Variants in RGS7 observed in about 807,000 individuals in gnomAD.
RGS7 encodes the protein regulator of G protein signaling 7, also known as regulator of G-protein signaling 7.
Under a neutral mutation model 81.1 loss-of-function variants are expected in RGS7, and 27 were observed. The observed-to-expected ratio is 0.33, with a 90% CI of 0.25 to 0.46. The LOEUF is 0.46. Ranked by LOEUF, RGS7 falls within the 20% of genes least tolerant of loss-of-function variation. RGS7 has a pLI of 1.00. For missense variants in RGS7, 396 were observed against 607.4 expected, an observed-to-expected ratio of 0.65 and a Z score of 3.66; for synonymous variants, 208 against 207.7, an observed-to-expected ratio of 1.00 and a Z score of -0.01.
chr1:241,120,375 T>A lies in RGS7; in HGVS notation c.79-21613A>T, dbSNP rs543193386. On this transcript the variant is annotated intron_variant, in intron 2 of 18. Transcript: ENST00000440928. ...TTTTTGTTTTGTTTTAGAGACAGGGTCTTGCTCTGTTGCCCAGGCTGGAGT... is the reference window on the plus strand; with the variant it reads ...TTTTTGTTTTGTTTTAGAGACAGGGACTTGCTCTGTTGCCCAGGCTGGAGT... 2.6e-5 allele frequency among the ~76,000 whole-genome samples: 4 copies of A among 152,328 alleles called. No homozygotes were observed. The East Asian group carries it at 7.7e-4, about 29-fold the overall frequency.
intron 3 of RGS7, among the ~76,000 whole-genome samples, chr1:241,065,650 C>T (rs1250148220): frequency 6.6e-6 from 1 of 152,104 alleles, no homozygotes; most frequent in Non-Finnish European, 1.5e-5. Context: ...AGTGTTTCTC[C>T]TCTCTATATT....
chr1:240,941,737 C>G (rs549454336), intron 4 of RGS7, among the ~76,000 whole-genome samples: 1 of 151,586 alleles, frequency 6.6e-6, no homozygotes, highest in African/African-American at 2.4e-5. Context: ...GCCACAGTTC[C>G]CTGTGGTCCC....
At chr1:240,920,270 T>C (rs1673289135) in intron 6 of RGS7, 14 of 1,289,424 alleles carry the variant, frequency 1.1e-5, no homozygotes, top group African/African-American at 1.5e-5. Flanking sequence ...GTGATCGTGG[T>C]GGTGGTTTTG....
chr1:240,985,995 G>A lies in RGS7; in HGVS notation c.176-2866C>T, dbSNP rs527954606. Among the ~76,000 whole-genome samples the A allele has an allele frequency of 9.5e-5, 13 of 136,668 alleles. No individual in the cohort carries two copies. In the East Asian group the frequency reaches 1.8e-3, roughly 19 times the overall value. 89.7% of individuals were successfully genotyped at this position (136,668 alleles called of 152,430 possible). On this transcript the variant is annotated intron_variant, in intron 3 of 18. Coordinates refer to ENST00000440928, the MANE Select transcript of RGS7 (RefSeq NM_001364886.1). ...TAAATAAATAAATAAATAAATAAAT[G>A]GCTGGGTCTGCTGAAGTTTTTCACA...
At chr1:241,179,078 T>C (rs372319869) in intron 2 of RGS7, among the ~76,000 whole-genome samples, 54 of 152,264 alleles carry the variant, frequency 3.5e-4, no homozygotes, top group African/African-American at 1.2e-3. Context: ...AATCAAACAA[T>C]AGTTTAATGT....
intron 2 of RGS7, among the ~76,000 whole-genome samples, chr1:241,189,084 C>T (rs2072381515): frequency 6.6e-6 from 1 of 152,136 alleles, no homozygotes; most frequent in South Asian, 2.1e-4. Flanking sequence ...AAGCGATCCT[C>T]CCACCTCAGC....
At chr1:241,130,252 G>A (rs1240646691) in intron 2 of RGS7, among the ~76,000 whole-genome samples, 1 of 151,762 alleles carries the variant, frequency 6.6e-6, no homozygotes, top group South Asian at 2.1e-4. Flanking sequence ...TAGATAAAAA[G>A]CCCAAAAATA....
At chr1:241,224,470 G>A (rs888629495) in intron 2 of RGS7, among the ~76,000 whole-genome samples, 7 of 151,790 alleles carry the variant, frequency 4.6e-5, no homozygotes, top group Non-Finnish European at 7.4e-5. Context: ...TGTATATGTG[G>A]TACATTTTCT....
At chr1:241,290,438 G>A (rs61832569) in intron 2 of RGS7, among the ~76,000 whole-genome samples, 18,350 of 152,186 alleles carry the variant, frequency 0.12, 1,235 homozygotes, top group Middle Eastern at 0.17. Flanking sequence ...TATGTGATCC[G>A]TTTATCTCTC....
At chr1:240,951,706 A>T (rs1365875424) in intron 4 of RGS7, among the ~76,000 whole-genome samples, 1 of 152,206 alleles carries the variant, frequency 6.6e-6, no homozygotes, top group East Asian at 1.9e-4. Context: ...TACCAGGAGG[A>T]GAGCAAAGAC....
intron 2 of RGS7, among the ~76,000 whole-genome samples, chr1:241,228,104 T>C (rs989376494): frequency 1.2e-4 from 18 of 152,206 alleles, no homozygotes; most frequent in Non-Finnish European, 1.5e-4. Context: ...ACACTGGCTC[T>C]GGGGAAGCCA....
intron 2 of RGS7, among the ~76,000 whole-genome samples, chr1:241,270,247 T>C (rs113781499): frequency 6.6e-6 from 1 of 152,244 alleles, no homozygotes; most frequent in South Asian, 2.1e-4. Flanking sequence ...CCAATTCCTA[T>C]TGAACTTCAG....
chr1:240,984,584 T>C (rs1054137194), intron 3 of RGS7, among the ~76,000 whole-genome samples: 3 of 152,238 alleles, frequency 2.0e-5, no homozygotes, highest in Admixed American at 2.0e-4. Flanking sequence ...GTTTTCTGCA[T>C]AACTCTTTTC....
At chr1:240,883,407 G>A (rs906311692) in intron 6 of RGS7, among the ~76,000 whole-genome samples, 11 of 152,220 alleles carry the variant, frequency 7.2e-5, no homozygotes, top group Admixed American at 2.6e-4. Context: ...CTTTTCTCAC[G>A]TTCATGCGTT....
intron 2 of RGS7, among the ~76,000 whole-genome samples, chr1:241,299,730 T>G (rs2148492413): frequency 6.6e-6 from 1 of 151,882 alleles, no homozygotes; most frequent in South Asian, 2.1e-4. Flanking sequence ...CGATTACATA[T>G]GAGCACGATG....
At position 241,098,754 on chromosome 1, in the gene RGS7, G is replaced by A. The variant is rs563733368; in HGVS notation, c.87C>T (p.Asp29=). 7.4e-5 allele frequency: 119 copies of A among 1,607,392 alleles called. No homozygotes were observed. Among genetic ancestry groups the A allele is most frequent in the South Asian group, 5.6e-4 (51 of 90,950 alleles). Residue 29 remains aspartate, a synonymous_variant, in exon 3 of 19, where the codon GAC becomes GAT. Coordinates refer to ENST00000440928, the MANE Select transcript of RGS7 (RefSeq NM_001364886.1). The stretch of plus-strand genomic sequence containing the variant: ...TTTCATCTTGCATCCGTGCTATGAC[G>A]TCTTCCATCTAAACAATAATAACAT... The part of the protein sequence containing the change: ...PNMLVYRKME[D]VIARMQDEKN...
chr1:241,006,897 T>C (rs2058709431), intron 3 of RGS7, among the ~76,000 whole-genome samples: 1 of 152,054 alleles, frequency 6.6e-6, no homozygotes, highest in Admixed American at 6.6e-5. Context: ...GCATAGGAAA[T>C]GCACTTTCTC....
chr1:241,050,411 G>T (rs1026761380), intron 3 of RGS7, among the ~76,000 whole-genome samples: 1 of 152,122 alleles, frequency 6.6e-6, no homozygotes, highest in Non-Finnish European at 1.5e-5. Flanking sequence ...ACTGGAGGCT[G>T]GCTCTCCCAG....
chr1:240,787,441 G>A (rs752943471), intron 18 of RGS7, among the ~76,000 whole-genome samples: 2 of 152,308 alleles, frequency 1.3e-5, no homozygotes, highest in African/African-American at 2.4e-5. Flanking sequence ...CGTAAGGCAC[G>A]CAGCAGGATT....
Sources: allele counts gnomAD v4.1 joint callset (sites outside exome capture counted in the v4.1 genomes callset), GRCh38; gene constraint gnomAD v4.1.1; transcripts MANE v1.5; gene names NCBI Gene and HGNC (gene_info 2026-07-23, HGNC 2026-07-21).